The following NFXL1 variants were observed in gnomAD, a reference collection of about 807,000 sequenced individuals.
NFXL1 encodes NF-X1-type zinc finger protein NFXL1.
Under a neutral mutation model 123.3 loss-of-function variants are expected in NFXL1, and 66 were observed. The ratio of observed to expected loss-of-function variants is 0.54; its 90% CI spans 0.44 to 0.66. The LOEUF is 0.66. Ranked by LOEUF, NFXL1 falls within the 30% of genes least tolerant of loss-of-function variation. The pLI, the probability that NFXL1 is intolerant of heterozygous loss-of-function variation, is 0.00. For missense variants in NFXL1, 944 were observed against 1,125.6 expected, an observed-to-expected ratio of 0.84 and a Z score of 2.31; for synonymous variants, 346 against 360.8, an observed-to-expected ratio of 0.96 and a Z score of 0.46.
At chr4:47,866,930 T>C (rs996939555) in intron 18 of NFXL1, among the ~76,000 whole-genome samples, 5 of 152,324 alleles carry the variant, frequency 3.3e-5, no homozygotes, top group Admixed American at 6.5e-5. Context: ...ACAAGTGTTG[T>C]CACAACTCAG....
chr4:47,905,652 G>A (rs1175883456), intron 3 of NFXL1, among the ~76,000 whole-genome samples: 1 of 148,270 alleles, frequency 6.7e-6, no homozygotes, highest in Non-Finnish European at 1.5e-5. Flanking sequence ...AGCAACAGCA[G>A]CAAGATGTAA....
chr4:47,857,513 G>A (rs1440782704), intron 19 of NFXL1, among the ~76,000 whole-genome samples: 2 of 152,166 alleles, frequency 1.3e-5, no homozygotes, highest in African/African-American at 2.4e-5. Context: ...ATATCTTTCT[G>A]CCTCCTAAAA....
intron 15 of NFXL1, among the ~76,000 whole-genome samples, chr4:47,882,866 C>T (rs901586450): frequency 4.6e-5 from 7 of 152,104 alleles, no homozygotes; most frequent in Non-Finnish European, 1.0e-4. Flanking sequence ...TCTGAAAATA[C>T]AAATAGTTCT....
intron 3 of NFXL1, among the ~76,000 whole-genome samples, chr4:47,909,694 T>C (rs1481605881): frequency 6.6e-6 from 1 of 151,842 alleles, no homozygotes; most frequent in African/African-American, 2.4e-5. Context: ...AGTCTTGCTC[T>C]GTCTCCCAGG....
intron 15 of NFXL1, among the ~76,000 whole-genome samples, chr4:47,879,953 C>T (rs1220686637): frequency 6.6e-6 from 1 of 151,960 alleles, no homozygotes; most frequent in Admixed American, 6.6e-5. Context: ...ATGTAAAATG[C>T]AAAACTATAA....
chr4:47,902,131 A>C (rs535918346), intron 5 of NFXL1, among the ~76,000 whole-genome samples: 3 of 152,284 alleles, frequency 2.0e-5, no homozygotes, highest in African/African-American at 7.2e-5. Flanking sequence ...ACAGCGAGCC[A>C]AGAGCGCACC....
At chr4:47,889,663 C>G (rs1359522833) in intron 12 of NFXL1, among the ~76,000 whole-genome samples, 1 of 152,184 alleles carries the variant, frequency 6.6e-6, no homozygotes, top group Non-Finnish European at 1.5e-5. Context: ...AGTCCACGAT[C>G]TTTCCAATAC....
rs751327206 is a variant in NFXL1 at position 47,875,247 on chromosome 4, C to T, written c.2126G>A (p.Arg709Gln). 26 of 1,612,996 alleles carry T rather than the reference C, an allele frequency of 1.6e-5. No homozygotes were observed. The highest frequency in any genetic ancestry group is 8.9e-5 in the East Asian group (4 of 44,836). Residue 709 changes from arginine to glutamine, a missense_variant, in exon 18 of 23, where the codon CGG becomes CAG. Coordinates refer to ENST00000507489, the MANE Select transcript of NFXL1 (RefSeq NM_001278624.2). The stretch of plus-strand genomic sequence containing the variant: ...ACATGGGTGAAGACAACCTAGTGGC[C>T]GTGACTTGGAGCACCCTTCCTCACA... ...LHCEEGCSKS[R>Q]PLGCLHPCIL...
chr4:47,898,292 C>T (rs1275533427), intron 8 of NFXL1, among the ~76,000 whole-genome samples: 1 of 151,866 alleles, frequency 6.6e-6, no homozygotes, highest in Non-Finnish European at 1.5e-5. Flanking sequence ...TCCTATGCAC[C>T]AAAAAGTATA....
chr4:47,908,864 A>C (rs981298924), intron 3 of NFXL1, among the ~76,000 whole-genome samples: 1 of 147,952 alleles, frequency 6.8e-6, no homozygotes, highest in African/African-American at 2.5e-5. Context: ...CTGAGGCAGG[A>C]GATTGGCATG....
At position 47,898,002 on chromosome 4, in the gene NFXL1, C is replaced by T. The variant is rs372423597; in HGVS notation, c.1169G>A (p.Arg390Gln). The change falls in exon 9 of 23, where the codon CGA (arginine) becomes CAA (glutamine). Residue 390 changes from arginine to glutamine, a missense_variant. Arg to Gln is a conservative substitution (Grantham distance 43). This residue lies in a region of NFXL1 where 296 missense variants were observed against 395.1 expected (regional missense o/e 0.75). Coordinates refer to ENST00000507489, the MANE Select transcript of NFXL1 (RefSeq NM_001278624.2). Reference protein sequence around the residue: ...CHVGACGECPRSGKRFCPCQK... With the variant: ...CHVGACGECPQSGKRFCPCQK... ...ACATGGACAGAACCTTTTCCCAGAT[C>T]GAGGACATTCTCCACAAGCACCAAC... The T allele has an allele frequency of 5.0e-6, 8 of 1,611,806 alleles. No homozygotes were observed. The highest frequency in any genetic ancestry group is 3.3e-5 in the South Asian group (3 of 90,510).
chr4:47,859,386 T>C (rs975497600), intron 19 of NFXL1, among the ~76,000 whole-genome samples: 1 of 152,222 alleles, frequency 6.6e-6, no homozygotes, highest in African/African-American at 2.4e-5. Flanking sequence ...CCGTTACATG[T>C]TATTACCTCA....
At chr4:47,904,839 T>C (rs1299610736) in intron 4 of NFXL1, among the ~76,000 whole-genome samples, 3 of 152,238 alleles carry the variant, frequency 2.0e-5, no homozygotes, top group Non-Finnish European at 2.9e-5. Flanking sequence ...CAGGATACGC[T>C]AACTAATTAA....
At chr4:47,851,830 T>A in intron 21 of NFXL1, 26 bp downstream of exon 21, 2 of 1,457,284 alleles carry the variant, frequency 1.4e-6, no homozygotes, top group Non-Finnish European at 9.6e-7. Context: ...CACTAGTCTT[T>A]AAAATGATAT....
intron 18 of NFXL1, among the ~76,000 whole-genome samples, chr4:47,873,319 G>A (rs1228561570): frequency 6.6e-6 from 1 of 152,048 alleles, no homozygotes; most frequent in African/African-American, 2.4e-5. Flanking sequence ...ATCTAGAATG[G>A]TGACTCCTTT....
chr4:47,886,755 A>G (rs986546036), intron 12 of NFXL1, among the ~76,000 whole-genome samples: 1 of 152,238 alleles, frequency 6.6e-6, no homozygotes, highest in Non-Finnish European at 1.5e-5. Flanking sequence ...CTTCTGTTCT[A>G]AATAACAAAT....
intron 2 of NFXL1, 78 bp downstream of exon 2, chr4:47,913,891 G>A (rs1737970100): frequency 1.1e-6 from 1 of 936,106 alleles, no homozygotes; most frequent in Non-Finnish European, 1.5e-6. Flanking sequence ...AAGAAAGAAG[G>A]CGAGGGCGGA....
chr4:47,912,482 C>G (rs371563591), intron 2 of NFXL1, among the ~76,000 whole-genome samples: 3 of 136,390 alleles, frequency 2.2e-5, no homozygotes, highest in African/African-American at 8.2e-5. Context: ...TTTTTTGAGA[C>G]GGAGTCTTGC....
intron 5 of NFXL1, 29 bp downstream of exon 5, chr4:47,903,164 T>C (rs920989433): frequency 2.6e-6 from 4 of 1,516,404 alleles, no homozygotes; most frequent in Admixed American, 4.1e-5. Context: ...AAAATAATAA[T>C]AATAATCCAA....
Sources: gnomAD v4.1 joint callset for allele counts (sites outside exome capture counted in the v4.1 genomes callset) on GRCh38, gnomAD v4.1.1 for gene constraint, gnomAD v4.1.1 regional missense constraint, MANE v1.5 for transcripts, NCBI Gene and HGNC (gene_info 2026-07-23, HGNC 2026-07-21) for gene names.